Variants in ANKRD30A observed in about 807,000 individuals in gnomAD.
ANKRD30A encodes ankyrin repeat domain 30A.
Under a neutral mutation model 166.3 loss-of-function variants are expected in ANKRD30A, and 170 were observed. The ratio of observed to expected loss-of-function variants is 1.02; its 90% CI spans 0.90 to 1.16. ANKRD30A has a LOEUF of 1.16. Ranked by LOEUF, ANKRD30A falls within the 50% of genes most tolerant of loss-of-function variation. The pLI, the probability that ANKRD30A is intolerant of heterozygous loss-of-function variation, is 0.00. For synonymous variants in ANKRD30A, 564 were observed against 508.9 expected, an observed-to-expected ratio of 1.11 and a Z score of -1.46; for missense variants, 1,630 against 1,518.0, an observed-to-expected ratio of 1.07 and a Z score of -1.23.
intron 7 of ANKRD30A, among the ~76,000 whole-genome samples, chr10:37,144,394 T>C (rs1025133129): frequency 6.6e-6 from 1 of 152,220 alleles, no homozygotes; most frequent in African/African-American, 2.4e-5. Context: ...GGAAAGACTA[T>C]CTCATTGTAA....
intron 31 of ANKRD30A, among the ~76,000 whole-genome samples, chr10:37,205,207 C>A (rs1841909924): frequency 6.6e-6 from 1 of 152,134 alleles, no homozygotes; most frequent in African/African-American, 2.4e-5. Context: ...CCCAAATATA[C>A]ATCAATGATA....
Position 37,216,167 on chromosome 10 carries a change from C to T in ANKRD30A, c.2870-14C>T, listed in dbSNP as rs1388833559. 6.5e-7 allele frequency: 1 copy of T among 1,539,968 alleles called. No homozygotes were observed. The highest frequency in any genetic ancestry group is 1.4e-5 in the African/African-American group (1 of 71,820). ...GTACTAATATATTTTATTTGTATCT[C>T]CTCCTTGAGACAGATTCAACTAGCC... is the stretch of plus-strand genomic sequence containing the variant. On this transcript the variant is annotated splice_polypyrimidine_tract_variant and intron_variant, in intron 31 of 35. Transcript: ENST00000361713.
At chr10:37,207,483 A>G (rs1842061400) in intron 31 of ANKRD30A, among the ~76,000 whole-genome samples, 1 of 152,000 alleles carries the variant, frequency 6.6e-6, no homozygotes, top group African/African-American at 2.4e-5. Context: ...GTCACTTAAA[A>G]ATTTTAAACT....
chr10:37,222,479 G>T (rs1842944014), intron 34 of ANKRD30A, among the ~76,000 whole-genome samples: 1 of 151,106 alleles, frequency 6.6e-6, no homozygotes, highest in South Asian at 2.1e-4. Flanking sequence ...CTATTGCATG[G>T]CTACAGCAGC....
At chr10:37,260,715 G>A in the ANKRD30A span, among the ~76,000 whole-genome samples, 1 of 152,142 alleles carries the variant, frequency 6.6e-6, no homozygotes, top group Admixed American at 6.6e-5. Context: ...TGTGTGTATA[G>A]CAGCTACTGG....
intron 18 of ANKRD30A, 128 bp downstream of exon 18, chr10:37,165,283 T>A: frequency 1.1e-6 from 1 of 877,138 alleles, no homozygotes; most frequent in Non-Finnish European, 1.8e-6. Flanking sequence ...TGTTTTTCAG[T>A]ATATGCTTAA....
At chr10:37,154,441 A>G (rs1488242699) in intron 13 of ANKRD30A, among the ~76,000 whole-genome samples, 1 of 152,140 alleles carries the variant, frequency 6.6e-6, no homozygotes, top group African/African-American at 2.4e-5. Flanking sequence ...CTTTTGTGGG[A>G]AAAATGTGGA....
intron 8 of ANKRD30A, 68 bp from the exon 9 acceptor site, chr10:37,147,302 T>C: frequency 8.0e-7 from 1 of 1,244,682 alleles, no homozygotes; most frequent in Non-Finnish European, 1.1e-6. Context: ...TTAAAAAATA[T>C]TTTAATTAGG....
intron 5 of ANKRD30A, 152 bp from the exon 6 acceptor site, chr10:37,136,455 G>C: frequency 2.4e-6 from 1 of 419,344 alleles, no homozygotes; most frequent in Non-Finnish European, 4.4e-6. Context: ...AGTTCATAGA[G>C]CTTACAAACT....
At chr10:37,162,607 A>C in intron 15 of ANKRD30A, 42 bp from the exon 16 acceptor site, 1 of 1,610,820 alleles carries the variant, frequency 6.2e-7, no homozygotes, top group South Asian at 1.1e-5. Context: ...TTGGCTTGTC[A>C]TATTTACATA....
chr10:37,156,354 GTACCCC>G (rs1015188507), intron 13 of ANKRD30A, among the ~76,000 whole-genome samples: 1 of 151,932 alleles, frequency 6.6e-6, no homozygotes, highest in African/African-American at 2.4e-5. Context: ...CAACTCCAGT[GTACCCC>G]TTTATAAAAA....
intron 27 of ANKRD30A, among the ~76,000 whole-genome samples, chr10:37,194,024 A>G (rs766819170): frequency 1.3e-5 from 2 of 152,052 alleles, no homozygotes; most frequent in Non-Finnish European, 2.9e-5. Context: ...GTGAAACCCC[A>G]TCTCTACTAA....
the ANKRD30A span, among the ~76,000 whole-genome samples, chr10:37,246,396 T>C: frequency 2.6e-4 from 40 of 152,322 alleles, no homozygotes; most frequent in African/African-American, 8.9e-4. Flanking sequence ...ATTGCTACTT[T>C]TGGTATGTTG....
At chr10:37,162,875 A>G (rs1380573408) in intron 17 of ANKRD30A, 27 bp downstream of exon 17, 1 of 1,605,484 alleles carries the variant, frequency 6.2e-7, no homozygotes, top group Non-Finnish European at 8.5e-7. Flanking sequence ...AACTATGGAA[A>G]GACCAATATT....
In ANKRD30A at chr10:37,197,274, T is replaced by C; in HGVS notation, c.2615-7T>C. The C allele has an allele frequency of 6.2e-7, 1 of 1,613,136 alleles. No individual in the cohort carries two copies. The highest frequency in any genetic ancestry group is 1.3e-5 in the African/African-American group (1 of 75,018). ...ATGATTGATGATAAATCTCTTTTGC[T>C]TTTTAGAGCCTCCCGAGAAGCCATC... On this transcript the variant is annotated splice_region_variant and splice_polypyrimidine_tract_variant and intron_variant, in intron 27 of 35. Transcript: ENST00000361713.
chr10:37,143,766 T>C (rs1231832731), intron 7 of ANKRD30A, among the ~76,000 whole-genome samples: 2 of 151,346 alleles, frequency 1.3e-5, no homozygotes, highest in Admixed American at 6.6e-5. Flanking sequence ...AAGATTGTAT[T>C]CCAATAAAAC....
chr10:37,191,387 G>A (rs1206322472), intron 25 of ANKRD30A, among the ~76,000 whole-genome samples: 1 of 151,902 alleles, frequency 6.6e-6, no homozygotes, highest in African/African-American at 2.4e-5. Context: ...ACTCTCATCC[G>A]AACTGTGTGG....
At chr10:37,133,708 T>C (rs1230988193) in intron 4 of ANKRD30A, among the ~76,000 whole-genome samples, 1 of 152,228 alleles carries the variant, frequency 6.6e-6, no homozygotes, top group Non-Finnish European at 1.5e-5. Flanking sequence ...GGACTTTATA[T>C]TAGCCAATTC....
chr10:37,155,414 C>T (rs1319121120), intron 13 of ANKRD30A, among the ~76,000 whole-genome samples: 1 of 152,114 alleles, frequency 6.6e-6, no homozygotes, highest in East Asian at 1.9e-4. Context: ...CCAAGCTGAT[C>T]AATTAATTAC....
Sources: gnomAD v4.1 joint callset for allele counts (sites outside exome capture counted in the v4.1 genomes callset) on GRCh38, gnomAD v4.1.1 for gene constraint, MANE v1.5 for transcripts, NCBI Gene and HGNC (gene_info 2026-07-23, HGNC 2026-07-21) for gene names.